ADGRB3: variants seen among roughly 807,000 people sequenced by gnomAD.
The protein encoded by ADGRB3 is brain-specific angiogenesis inhibitor 3.
A neutral mutation model predicts 193.4 loss-of-function variants in ADGRB3; 37 were observed. That is an observed-to-expected ratio of 0.19 (90% CI 0.15 to 0.25). The LOEUF (loss-of-function observed/expected upper bound fraction) is 0.25, where lower values mean the gene tolerates loss of function less well. Ranked by LOEUF, ADGRB3 falls within the 10% of genes least tolerant of loss-of-function variation. The pLI, the probability that ADGRB3 is intolerant of heterozygous loss-of-function variation, is 1.00. For synonymous variants in ADGRB3, 690 were observed against 644.2 expected (o/e 1.07, Z -1.08); for missense variants, 1,637 against 1,852.9 (o/e 0.88, Z 2.14).
chr6:69,279,081 A>ATG (rs1767365728), intron 20 of ADGRB3, among the ~76,000 whole-genome samples: 1 of 89,076 alleles, frequency 1.1e-5, no homozygotes, highest in East Asian at 3.1e-4. Context: ...GTATATATAT[A>ATG]TATATATATA....
At chr6:68,813,077 G>A (rs1329257929) in intron 3 of ADGRB3, among the ~76,000 whole-genome samples, 1 of 152,150 alleles carries the variant, frequency 6.6e-6, no homozygotes, top group African/African-American at 2.4e-5. Flanking sequence ...TTGTGGGAGG[G>A]ACCCAGGGGG....
chr6:69,006,061 C>T, intron 11 of ADGRB3, among the ~76,000 whole-genome samples: 1 of 152,044 alleles, frequency 6.6e-6, no homozygotes, highest in Non-Finnish European at 1.5e-5. Flanking sequence ...GCTTATTCAC[C>T]TATTACCAAA....
chr6:68,888,383 A>G (rs150638293), intron 3 of ADGRB3, among the ~76,000 whole-genome samples: 1,734 of 152,240 alleles, frequency 0.011, 25 homozygotes, highest in Non-Finnish European at 0.014. Context: ...TATTTTTCCC[A>G]TATAATTGTG....
intron 3 of ADGRB3, among the ~76,000 whole-genome samples, chr6:68,735,179 A>G (rs924208779): frequency 6.6e-6 from 1 of 152,048 alleles, no homozygotes; most frequent in African/African-American, 2.4e-5. Context: ...TGACATAAGC[A>G]TGATCAAAAA....
chr6:68,733,987 C>G (rs1239046503), intron 3 of ADGRB3, among the ~76,000 whole-genome samples: 1 of 151,698 alleles, frequency 6.6e-6, no homozygotes, highest in South Asian at 2.1e-4. Context: ...ATGTATATAC[C>G]TGCTACGTAT....
chr6:68,848,121 A>ATAAT (rs1419250356), intron 3 of ADGRB3, among the ~76,000 whole-genome samples: 7 of 152,096 alleles, frequency 4.6e-5, no homozygotes, highest in Non-Finnish European at 7.4e-5. Flanking sequence ...AAAACAGTTT[A>ATAAT]TAATTTTAAA....
intron 3 of ADGRB3, among the ~76,000 whole-genome samples, chr6:68,883,877 A>G (rs773481592): frequency 1.8e-4 from 28 of 152,228 alleles, no homozygotes; most frequent in Non-Finnish European, 3.8e-4. Flanking sequence ...AGTTACAACT[A>G]TATGTATCTC....
chr6:69,335,037 G>A (rs1011097839), intron 24 of ADGRB3, among the ~76,000 whole-genome samples: 3 of 151,968 alleles, frequency 2.0e-5, no homozygotes, highest in African/African-American at 7.2e-5. Flanking sequence ...GTCTCTAACT[G>A]TCAATCAAGA....
chr6:69,045,895 A>C (rs2150300905), intron 13 of ADGRB3, among the ~76,000 whole-genome samples: 1 of 152,232 alleles, frequency 6.6e-6, no homozygotes, highest in South Asian at 2.1e-4. Context: ...CATTCCTTTA[A>C]TCTAGACTAT....
At chr6:68,928,569 T>A (rs1241369378) in intron 3 of ADGRB3, among the ~76,000 whole-genome samples, 1 of 152,136 alleles carries the variant, frequency 6.6e-6, no homozygotes, top group Non-Finnish European at 1.5e-5. Context: ...GTTCATAGTC[T>A]CTATTAAAAA....
At chr6:69,026,718 C>T (rs1770441829) in intron 13 of ADGRB3, among the ~76,000 whole-genome samples, 1 of 152,176 alleles carries the variant, frequency 6.6e-6, no homozygotes, top group African/African-American at 2.4e-5. Context: ...TAGCCTATTG[C>T]TCCTAGGCTA....
At chr6:68,751,164 A>T (rs1311654190) in intron 3 of ADGRB3, among the ~76,000 whole-genome samples, 4 of 152,220 alleles carry the variant, frequency 2.6e-5, no homozygotes, top group African/African-American at 9.6e-5. Flanking sequence ...TCAGGCACAG[A>T]CAAGAATGAT....
At chr6:69,217,780 G>C (rs1262505746) in intron 17 of ADGRB3, among the ~76,000 whole-genome samples, 2 of 152,172 alleles carry the variant, frequency 1.3e-5, no homozygotes. Context: ...CAGTCAGATT[G>C]AAGAGCCTTC....
At chr6:69,075,444 A>G (rs1280629961) in intron 16 of ADGRB3, among the ~76,000 whole-genome samples, 1 of 152,210 alleles carries the variant, frequency 6.6e-6, no homozygotes, top group Non-Finnish European at 1.5e-5. Flanking sequence ...ATTTTCACTT[A>G]AAATTTCATT....
At position 69,048,173 on chromosome 6, in the gene ADGRB3, C is replaced by A; in HGVS notation, c.2108-12C>A. Reference sequence around the variant, plus strand: ...GCAAGTTTAATTGAAATTATTATTTCTTTTTTAATAGTGGCTAGTATTCAG... The same window carrying A: ...GCAAGTTTAATTGAAATTATTATTTATTTTTTAATAGTGGCTAGTATTCAG... On this transcript the variant is annotated splice_polypyrimidine_tract_variant and intron_variant, in intron 13 of 31. Transcript: ENST00000370598. 1 of 1,604,308 alleles carries A rather than the reference C, an allele frequency of 6.2e-7. No individual in the cohort carries two copies. Among genetic ancestry groups the A allele is most frequent in the Non-Finnish European group, 8.5e-7 (1 of 1,176,286 alleles).
intron 3 of ADGRB3, among the ~76,000 whole-genome samples, chr6:68,657,209 T>A (rs1022296408): frequency 6.6e-6 from 1 of 151,266 alleles, no homozygotes; most frequent in African/African-American, 2.4e-5. Context: ...GGAAAATGAG[T>A]ACAAATGAAG....
chr6:69,020,519 C>T (rs1468742962), intron 13 of ADGRB3, among the ~76,000 whole-genome samples: 1 of 151,868 alleles, frequency 6.6e-6, no homozygotes, highest in Admixed American at 6.6e-5. Flanking sequence ...TACCTTCTTC[C>T]CTTAAATGTT....
At chr6:69,166,712 C>T (rs1286805283) in intron 17 of ADGRB3, among the ~76,000 whole-genome samples, 2 of 152,068 alleles carry the variant, frequency 1.3e-5, no homozygotes, top group Non-Finnish European at 2.9e-5. Context: ...AATGAAAAAA[C>T]AAGGTCCTAT....
At chr6:69,264,058 A>G (rs902194830) in intron 20 of ADGRB3, among the ~76,000 whole-genome samples, 4 of 152,118 alleles carry the variant, frequency 2.6e-5, no homozygotes, top group East Asian at 1.9e-4. Context: ...TGACTCATCC[A>G]TAGATGGATA....
Sources: allele counts gnomAD v4.1 joint callset (sites outside exome capture counted in the v4.1 genomes callset), GRCh38; gene constraint gnomAD v4.1.1; transcripts MANE v1.5; gene names NCBI Gene and HGNC (gene_info 2026-07-23, HGNC 2026-07-21).